Variants in MAGI3 observed in about 807,000 individuals in gnomAD.
The protein encoded by MAGI3 is membrane associated guanylate kinase, WW and PDZ domain containing 3.
A neutral mutation model predicts 121.8 loss-of-function variants in MAGI3; 43 were observed. The ratio of observed to expected loss-of-function variants is 0.35; its 90% CI spans 0.28 to 0.46. MAGI3 has a LOEUF of 0.46. Ranked by LOEUF, MAGI3 falls within the 20% of genes least tolerant of loss-of-function variation. The probability of loss-of-function intolerance (pLI) is 1.00; values close to 1 mark genes in which losing one functional copy is unlikely to be tolerated. For synonymous variants in MAGI3, 553 were observed against 639.3 expected (o/e 0.86, Z 2.04); for missense variants, 1,547 against 1,797.3 (o/e 0.86, Z 2.52).
chr1:113,475,848 C>G (rs1363281391), intron 1 of MAGI3, among the ~76,000 whole-genome samples: 1 of 152,058 alleles, frequency 6.6e-6, no homozygotes, highest in Non-Finnish European at 1.5e-5. Flanking sequence ...CTGTGAATCC[C>G]TCTGATTCTG....
intron 16 of MAGI3, among the ~76,000 whole-genome samples, chr1:113,661,590 T>TAAACATCAACA (rs1653786944): frequency 6.6e-6 from 1 of 152,232 alleles, no homozygotes. Context: ...CTGTTTAATG[T>TAAACATCAACA]TGATGGTATT....
chr1:113,584,318 T>C lies in MAGI3; in HGVS notation c.554-1069T>C, dbSNP rs138098047. ...TGCTTTCCCATATTATTTGGCGGCCTAGTGGGAACTGCATGACAAATTGAG... is the reference window on the plus strand; with the variant it reads ...TGCTTTCCCATATTATTTGGCGGCCCAGTGGGAACTGCATGACAAATTGAG... On this transcript the variant is annotated intron_variant, in intron 3 of 20. Transcript: ENST00000307546. Among the ~76,000 whole-genome samples, 964 of 152,260 alleles carry C rather than the reference T, an allele frequency of 6.3e-3. 11 individuals carry two copies. Among genetic ancestry groups the C allele is most frequent in the African/African-American group, 0.022 (913 of 41,558 alleles).
At chr1:113,672,846 A>G in intron 18 of MAGI3, 105 bp downstream of exon 18, 1 of 1,391,316 alleles carries the variant, frequency 7.2e-7, no homozygotes, top group Non-Finnish European at 9.8e-7. Context: ...TGTTTCCAAA[A>G]CTAATAATTC....
chr1:113,411,077 A>C (rs1339296543), intron 1 of MAGI3, among the ~76,000 whole-genome samples: 1 of 152,164 alleles, frequency 6.6e-6, no homozygotes, highest in Non-Finnish European at 1.5e-5. Flanking sequence ...TAAAAAGTTG[A>C]ATCAGTCTTA....
intron 18 of MAGI3, 48 bp from the exon 19 acceptor site, chr1:113,673,274 G>T: frequency 6.3e-7 from 1 of 1,577,494 alleles, no homozygotes. Flanking sequence ...CAAAATGTAA[G>T]TAAACAGTCC....
At chr1:113,659,811 C>G (rs1460740881) in intron 16 of MAGI3, among the ~76,000 whole-genome samples, 1 of 152,172 alleles carries the variant, frequency 6.6e-6, no homozygotes, top group Non-Finnish European at 1.5e-5. Flanking sequence ...TAATGTCTTG[C>G]CTTGCTGTAA....
At chr1:113,464,587 G>C (rs960296282) in intron 1 of MAGI3, among the ~76,000 whole-genome samples, 5 of 152,040 alleles carry the variant, frequency 3.3e-5, no homozygotes, top group Admixed American at 1.3e-4. Flanking sequence ...ATTCTGTGTA[G>C]TGATTGTATT....
At chr1:113,585,238 GATT>G in intron 3 of MAGI3, 146 bp from the exon 4 acceptor site, 1 of 688,796 alleles carries the variant, frequency 1.5e-6, no homozygotes, top group Non-Finnish European at 2.5e-6. Flanking sequence ...AAAGTGCTGG[GATT>G]ACAAGTGTGA....
In MAGI3 at chr1:113,391,027, G is replaced by A. The variant is rs371817207; in HGVS notation, c.-7G>A. The A allele has an allele frequency of 3.2e-6, 5 of 1,575,834 alleles. No homozygotes were observed. The African/African-American group carries it at 5.4e-5, about 17-fold the overall frequency. ...GGGGTCTCCCCCATGGTGCAGCGGG[G>A]TTCGGGATGTCGAAGACGCTGAAGA... On this transcript the variant is annotated 5_prime_UTR_variant, in exon 1 of 21. Coordinates refer to ENST00000307546, the MANE Select transcript of MAGI3 (RefSeq NM_001142782.2). This position sits in a 1 kb window ranked among gnomAD's most constrained non-coding sequence, Gnocchi z 4.4.
At chr1:113,602,124 A>G (rs12731010) in intron 6 of MAGI3, among the ~76,000 whole-genome samples, 32,950 of 151,902 alleles carry the variant, frequency 0.22, 4,452 homozygotes, top group South Asian at 0.39. Flanking sequence ...CTAATGCTAA[A>G]TGACGAGTTA....
chr1:113,559,571 T>A (rs548722217), intron 2 of MAGI3, among the ~76,000 whole-genome samples: 2 of 152,092 alleles, frequency 1.3e-5, no homozygotes, highest in South Asian at 4.2e-4. Context: ...AAGTTCCTTT[T>A]TTTTGTTTTT....
intron 1 of MAGI3, among the ~76,000 whole-genome samples, chr1:113,396,777 T>G (rs1370411101): frequency 1.3e-5 from 2 of 152,114 alleles, no homozygotes; most frequent in Non-Finnish European, 2.9e-5. Context: ...AGTCAGAAAT[T>G]GTGTGTCTTC....
intron 1 of MAGI3, among the ~76,000 whole-genome samples, chr1:113,515,620 A>C (rs1657859941): frequency 6.6e-6 from 1 of 152,112 alleles, no homozygotes; most frequent in Admixed American, 6.6e-5. Context: ...CAGAGAGAGA[A>C]GTATTTTGTT....
chr1:113,633,503 C>T (rs529343679), intron 9 of MAGI3, among the ~76,000 whole-genome samples: 11 of 151,852 alleles, frequency 7.2e-5, no homozygotes, highest in South Asian at 2.1e-4. Flanking sequence ...CCTCGTGATC[C>T]GCCCGCCTCG....
chr1:113,587,679 T>C (rs1648460041), intron 4 of MAGI3, among the ~76,000 whole-genome samples: 1 of 152,194 alleles, frequency 6.6e-6, no homozygotes, highest in Non-Finnish European at 1.5e-5. Flanking sequence ...TACGTAATAA[T>C]TATTTTTTTT....
chr1:113,624,024 C>A (rs1001238656), intron 9 of MAGI3, among the ~76,000 whole-genome samples: 7 of 152,192 alleles, frequency 4.6e-5, no homozygotes, highest in African/African-American at 7.2e-5. Context: ...TGTGTCATTG[C>A]AAATGACAAG....
intron 1 of MAGI3, among the ~76,000 whole-genome samples, chr1:113,454,274 A>G (rs1000655974): frequency 4.6e-5 from 7 of 152,188 alleles, no homozygotes; most frequent in Non-Finnish European, 8.8e-5. Flanking sequence ...AGCTTAGCTC[A>G]GTCTTTAGCC....
intron 1 of MAGI3, among the ~76,000 whole-genome samples, chr1:113,448,481 A>T (rs1183072053): frequency 6.6e-6 from 1 of 152,204 alleles, no homozygotes; most frequent in African/African-American, 2.4e-5. Flanking sequence ...ATTGGATACG[A>T]AATGTTTTTT....
In MAGI3 at chr1:113,653,915, C is replaced by T. The variant is rs147624198; in HGVS notation, c.2526C>T (p.Ala842=). 979 of 1,614,098 alleles carry T rather than the reference C, an allele frequency of 6.1e-4. No homozygotes were observed. Among genetic ancestry groups the T allele is most frequent in the Non-Finnish European group, 7.7e-4 (903 of 1,180,000 alleles). The part of the protein sequence containing the change: ...SPRLNRAEVP[A]RPAPQEPYDV... ...GCCTGAACCGGGCAGAGGTCCCAGC[C>T]AGGCCTGCACCCCAGGAGCCCTATG... Residue 842 remains alanine, a synonymous_variant, in exon 15 of 21, where the codon GCC becomes GCT. Coordinates refer to ENST00000307546, the MANE Select transcript of MAGI3 (RefSeq NM_001142782.2).
Sources: gnomAD v4.1 joint callset for allele counts (sites outside exome capture counted in the v4.1 genomes callset) on GRCh38, gnomAD v4.1.1 for gene constraint, Gnocchi (gnomAD v3.1) non-coding constraint, MANE v1.5 for transcripts, NCBI Gene and HGNC (gene_info 2026-07-23, HGNC 2026-07-21) for gene names.